CHKA: variants seen among roughly 807,000 people sequenced by gnomAD.
The protein encoded by CHKA is CHETK-alpha.
In CHKA, 34 loss-of-function variants were observed where a neutral mutation model predicts 60.1. The observed-to-expected ratio is 0.57, with a 90% CI of 0.43 to 0.75. CHKA has a LOEUF of 0.75. Among genes scored for constraint, CHKA ranks in the 30% least tolerant of loss-of-function variants. The probability of loss-of-function intolerance (pLI) is 0.00; values close to 1 mark genes in which losing one functional copy is unlikely to be tolerated. For missense variants in CHKA, 563 were observed against 561.3 expected, an observed-to-expected ratio of 1.00 and a Z score of -0.03; for synonymous variants, 217 against 223.1, an observed-to-expected ratio of 0.97 and a Z score of 0.24.
At chr11:68,075,083 T>A (rs1207371210) in intron 3 of CHKA, among the ~76,000 whole-genome samples, 1 of 152,212 alleles carries the variant, frequency 6.6e-6, no homozygotes, top group Non-Finnish European at 1.5e-5. Context: ...TTAATTTAGG[T>A]CACTAGATCC....
intron 1 of CHKA, among the ~76,000 whole-genome samples, chr11:68,101,703 G>A (rs1857733124): frequency 6.6e-6 from 1 of 151,074 alleles, no homozygotes; most frequent in African/African-American, 2.4e-5. Flanking sequence ...GGAGGTGAAA[G>A]AGCTCTGCAA....
At chr11:68,114,789 CT>C (rs34919967) in intron 1 of CHKA, among the ~76,000 whole-genome samples, 86,885 of 151,818 alleles carry the variant, frequency 0.57, 24,948 homozygotes, top group Middle Eastern at 0.71. Flanking sequence ...ACTGAAAAGA[CT>C]TACATACTGT....
intron 5 of CHKA, 119 bp from the exon 6 acceptor site, chr11:68,070,412 G>T: frequency 1.3e-6 from 1 of 774,586 alleles, no homozygotes; most frequent in Non-Finnish European, 2.1e-6. Flanking sequence ...ATGCCAGTGG[G>T]ACCCCTCTGA....
intron 11 of CHKA, 143 bp from the exon 12 acceptor site, chr11:68,054,190 G>C: frequency 1.5e-6 from 1 of 658,706 alleles, no homozygotes; most frequent in Non-Finnish European, 2.7e-6. Context: ...TGTGCAGCAG[G>C]GCTGCTCGGG....
At position 68,053,630 on chromosome 11, in the gene CHKA, T is replaced by C; in HGVS notation, c.*358A>G. The C allele has an allele frequency of 4.4e-6, 1 of 225,218 alleles. No individual in the cohort carries two copies. Among genetic ancestry groups the C allele is most frequent in the Non-Finnish European group, 8.9e-6 (1 of 112,794 alleles). 14.0% of individuals were successfully genotyped at this position (225,218 alleles called of 1,614,324 possible). A position where few individuals can be genotyped will look rare whatever the true frequency, so the allele number is the denominator to read the frequency against. The stretch of plus-strand genomic sequence containing the variant: ...ACATTCATGAAAATTTAAATCAACA[T>C]TAACCAAAGTACCTGCAAGTAACAC... On this transcript the variant is annotated 3_prime_UTR_variant, in exon 12 of 12. Coordinates refer to ENST00000265689, the MANE Select transcript of CHKA (RefSeq NM_001277.3).
intron 4 of CHKA, among the ~76,000 whole-genome samples, chr11:68,072,381 C>T (rs1565177209): frequency 1.3e-5 from 2 of 151,530 alleles, no homozygotes; most frequent in South Asian, 2.1e-4. Flanking sequence ...CCCGTCTCTA[C>T]AAAAAAATAA....
chr11:68,094,724 G>A (rs1261318980), intron 2 of CHKA, among the ~76,000 whole-genome samples: 1 of 152,196 alleles, frequency 6.6e-6, no homozygotes, highest in East Asian at 1.9e-4. Context: ...TGTTGTCCTA[G>A]CTGGATGCCA....
intron 11 of CHKA, among the ~76,000 whole-genome samples, chr11:68,055,141 C>T (rs1277201975): frequency 6.6e-6 from 1 of 152,178 alleles, no homozygotes; most frequent in Non-Finnish European, 1.5e-5. Flanking sequence ...ACCTGTAATC[C>T]CAACACTTTG....
intron 1 of CHKA, among the ~76,000 whole-genome samples, chr11:68,117,820 T>C (rs999662868): frequency 6.6e-6 from 1 of 152,180 alleles, no homozygotes; most frequent in African/African-American, 2.4e-5. Context: ...ACACACAAAA[T>C]GCAAGAAGAT....
chr11:68,114,863 G>C (rs1455592677), intron 1 of CHKA, among the ~76,000 whole-genome samples: 2 of 152,162 alleles, frequency 1.3e-5, no homozygotes, highest in African/African-American at 2.4e-5. Flanking sequence ...AAAGACCAGT[G>C]ATTGGCTGGG....
Position 68,097,055 on chromosome 11 carries a change from T to C in CHKA, c.426A>G (p.Lys142=), listed in dbSNP as rs201644597. 227 of 1,613,558 alleles carry C rather than the reference T, an allele frequency of 1.4e-4. 1 individual carries two copies. In the East Asian group the frequency reaches 4.4e-3, roughly 32 times the overall value. Residue 142 remains lysine (K), a synonymous_variant, in exon 2 of 12, where the codon AAA becomes AAG. Transcript: ENST00000265689. ...TCGCTCCATACAGCCGCAGGAGCAC[T>C]TTCCGAGGCTCATCACCAAGGGTGG... The part of the protein sequence containing the change: ...TTATLGDEPR[K]VLLRLYGAIL...
chr11:68,119,014 G>C (rs891416149), intron 1 of CHKA, among the ~76,000 whole-genome samples: 10 of 152,286 alleles, frequency 6.6e-5, no homozygotes, highest in South Asian at 2.1e-4. Flanking sequence ...ACTGACCTCA[G>C]GCAAGTCACT....
rs185767599 is a variant in CHKA at position 68,069,763 on chromosome 11, A to T, written c.869+426T>A. ...TGCGCCAAGCATCACTCTGAGGACAATGACGGCCTTGCTTCAGAGATCAGT... is the reference window on the plus strand; with the variant it reads ...TGCGCCAAGCATCACTCTGAGGACATTGACGGCCTTGCTTCAGAGATCAGT... On this transcript the variant is annotated intron_variant, in intron 6 of 11. Coordinates refer to ENST00000265689, the MANE Select transcript of CHKA (RefSeq NM_001277.3). Among the ~76,000 whole-genome samples, 10 of 152,292 alleles carry T rather than the reference A, an allele frequency of 6.6e-5. No individual in the cohort carries two copies. In the East Asian group the frequency reaches 1.7e-3, roughly 26 times the overall value.
At chr11:68,101,831 G>A (rs949368502) in intron 1 of CHKA, among the ~76,000 whole-genome samples, 6 of 152,146 alleles carry the variant, frequency 3.9e-5, no homozygotes, top group African/African-American at 1.2e-4. Flanking sequence ...CCAAGCGCGT[G>A]GCTGACGCCT....
At chr11:68,074,358 A>C (rs1856716943) in intron 4 of CHKA, among the ~76,000 whole-genome samples, 1 of 152,184 alleles carries the variant, frequency 6.6e-6, no homozygotes, top group Non-Finnish European at 1.5e-5. Context: ...ACAGGGCTAC[A>C]GTCAGAGACT....
intron 2 of CHKA, among the ~76,000 whole-genome samples, chr11:68,084,461 T>C (rs1300826188): frequency 6.8e-6 from 1 of 146,328 alleles, no homozygotes; most frequent in African/African-American, 2.5e-5. Flanking sequence ...TGTATATATA[T>C]ATAGGAATCC....
At chr11:68,086,860 CCTGTTGTCCCAG>C (rs1249733779) in intron 2 of CHKA, among the ~76,000 whole-genome samples, 1 of 152,184 alleles carries the variant, frequency 6.6e-6, no homozygotes, top group Non-Finnish European at 1.5e-5. Flanking sequence ...GTGGCGGGCG[CCTGTTGTCCCAG>C]CTACTCGGGA....
intron 1 of CHKA, among the ~76,000 whole-genome samples, chr11:68,117,173 T>C (rs1170614504): frequency 6.6e-6 from 1 of 152,108 alleles, no homozygotes; most frequent in Non-Finnish European, 1.5e-5. Flanking sequence ...ATTCAGTATG[T>C]CTGGTTCTCT....
chr11:68,118,275 C>G (rs1006325043), intron 1 of CHKA, among the ~76,000 whole-genome samples: 6 of 152,076 alleles, frequency 3.9e-5, no homozygotes, highest in African/African-American at 1.4e-4. Context: ...AACCCCATCT[C>G]TACAAAAATA....
Sources: allele counts gnomAD v4.1 joint callset (sites outside exome capture counted in the v4.1 genomes callset), GRCh38; gene constraint gnomAD v4.1.1; transcripts MANE v1.5; gene names NCBI Gene and HGNC (gene_info 2026-07-23, HGNC 2026-07-21).